Variants in FREM3 observed in about 807,000 individuals in gnomAD.
FREM3 encodes the protein FRAS1-related extracellular matrix protein 3.
FREM3 carries 105 observed loss-of-function variants against 129.1 expected under a neutral mutation model. The ratio of observed to expected loss-of-function variants is 0.81; its 90% confidence interval spans 0.69 to 0.96. The LOEUF is 0.96. Among genes scored for constraint, FREM3 ranks in the 40% least tolerant of loss-of-function variants. The pLI is 0.00. For missense variants in FREM3, 2,593 were observed against 2,666.3 expected, an observed-to-expected ratio of 0.97 and a Z score of 0.61; for synonymous variants, 1,014 against 1,044.9, an observed-to-expected ratio of 0.97 and a Z score of 0.57.
chr4:143,603,336 C>A (rs1036181151), intron 6 of FREM3, among the ~76,000 whole-genome samples: 1 of 152,110 alleles, frequency 6.6e-6, no homozygotes, highest in African/African-American at 2.4e-5. Context: ...GTGTAATGTA[C>A]ATAATCTTAT....
In FREM3 at chr4:143,693,191, C is replaced by T; in HGVS notation, c.5197G>A (p.Glu1733Lys). Reference sequence around the variant, plus strand: ...TTCAAGACATAGGATATCTTCATCTCATCAATGTCAGCTAAAAAAAAAGCA... The same window carrying T: ...TTCAAGACATAGGATATCTTCATCTTATCAATGTCAGCTAAAAAAAAAGCA... ...TRVFTQADIDEMKISYVLNEG... is the reference protein window; with the variant it reads ...TRVFTQADIDKMKISYVLNEG... Residue 1733 changes from glutamate (E) to lysine (K), a missense_variant, in exon 2 of 8, where the codon GAG (glutamate) becomes AAG (lysine). By Grantham distance (56) the Glu-to-Lys change is moderately conservative. Transcript: ENST00000329798. 6.7e-7 allele frequency: 1 copy of T among 1,491,004 alleles called. No individual in the cohort carries two copies. Among genetic ancestry groups the T allele is most frequent in the East Asian group, 2.5e-5 (1 of 39,998 alleles). The allele number at this position is 1,491,004 out of a possible 1,614,324, so 92.4% of individuals were successfully genotyped here. A position where few individuals can be genotyped will look rare whatever the true frequency, so the allele number is the denominator to read the frequency against.
rs1361182090 is a variant in FREM3 at position 143,700,371 on chromosome 4, G to A, written c.305C>T (p.Ala102Val). Residue 102 changes from alanine to valine, a missense_variant, in exon 1 of 8, where the codon GCC becomes GTC. By Grantham distance (64) the Ala-to-Val change is moderately conservative. Transcript: ENST00000329798. ...GDRCEVTVLD[A>V]LPRLKGALSP... ...GAGCGCGCCCTTGAGCCGCGGCAGGGCGTCCAGTACCGTGACTTCGCACCG... is the reference window on the plus strand; with the variant it reads ...GAGCGCGCCCTTGAGCCGCGGCAGGACGTCCAGTACCGTGACTTCGCACCG... 2 of 1,534,934 alleles carry A rather than the reference G, an allele frequency of 1.3e-6. No homozygotes were observed. The highest frequency in any genetic ancestry group is 1.7e-6 in the Non-Finnish European group (2 of 1,146,136).
chr4:143,591,793 T>A (rs1486930694), intron 6 of FREM3, among the ~76,000 whole-genome samples: 1 of 152,112 alleles, frequency 6.6e-6, no homozygotes, highest in Non-Finnish European at 1.5e-5. Flanking sequence ...CCTGGATATC[T>A]TTGTTAACTT....
At chr4:143,590,932 T>C (rs1233614975) in intron 6 of FREM3, among the ~76,000 whole-genome samples, 2 of 152,230 alleles carry the variant, frequency 1.3e-5, no homozygotes, top group African/African-American at 4.8e-5. Context: ...TATTGGTCTA[T>C]TCAGAGATTC....
chr4:143,611,623 C>G lies in FREM3; in HGVS notation c.5780-96G>C, dbSNP rs547460014. On this transcript the variant is annotated intron_variant, in intron 5 of 7. Coordinates refer to ENST00000329798, the MANE Select transcript of FREM3 (RefSeq NM_001168235.2). ...TCTTTAATGTATTTTTAGATAATAG[C>G]TATCTGAATGATACAACACACTTAC... The G allele has an allele frequency of 2.3e-5, 25 of 1,097,854 alleles. No homozygotes were observed. The African/African-American group carries it at 3.7e-4, about 16-fold the overall frequency. The allele number at this position is 1,097,854 out of a possible 1,614,324, so 68.0% of individuals were successfully genotyped here.
rs932565050 is a variant in FREM3, at chr4:143,617,440, T to C, written c.5779+3597A>G. Among the ~76,000 whole-genome samples, 13 of 152,194 alleles carry C rather than the reference T, an allele frequency of 8.5e-5. No homozygotes were observed. In the East Asian group the frequency reaches 2.5e-3, roughly 29 times the overall value. The stretch of plus-strand genomic sequence containing the variant: ...CCAAGGTTGAGAAGAGGAACAAGAA[T>C]AAATTCTCCTCTGCCCTGGAAGACA... On this transcript the variant is annotated intron_variant, in intron 5 of 7. Coordinates refer to ENST00000329798, the MANE Select transcript of FREM3 (RefSeq NM_001168235.2).
Position 143,577,519 on chromosome 4 carries a change from A to G in FREM3, c.*92T>C. The G allele has an allele frequency of 1.7e-6, 2 of 1,208,400 alleles. No individual in the cohort carries two copies. Among genetic ancestry groups the G allele is most frequent in the East Asian group, 5.1e-5 (2 of 39,144 alleles). 74.9% of individuals were successfully genotyped at this position (1,208,400 alleles called of 1,614,324 possible). A position where few individuals can be genotyped will look rare whatever the true frequency, so the allele number is the denominator to read the frequency against. Reference sequence around the variant, plus strand: ...CACCAATGACAGTACAATATCACTGATATCCCAGAATTGCTAAGATCTATA... The same window carrying G: ...CACCAATGACAGTACAATATCACTGGTATCCCAGAATTGCTAAGATCTATA... On this transcript the variant is annotated 3_prime_UTR_variant, in exon 8 of 8. Coordinates refer to ENST00000329798, the MANE Select transcript of FREM3 (RefSeq NM_001168235.2).
chr4:143,623,922 A>G (rs569492267), intron 4 of FREM3, among the ~76,000 whole-genome samples, 186 bp downstream of exon 4: 2 of 152,330 alleles, frequency 1.3e-5, no homozygotes, highest in African/African-American at 4.8e-5. Context: ...ATCGTCCTGT[A>G]TTGTCTTTCA....
rs967331105 is a variant in FREM3, at chr4:143,696,300, T to C, written c.4376A>G (p.Glu1459Gly). The C allele has an allele frequency of 4.6e-6, 7 of 1,537,416 alleles. No homozygotes were observed. Among genetic ancestry groups the C allele is most frequent in the Non-Finnish European group, 5.2e-6 (6 of 1,146,978 alleles). Reference protein sequence around the residue: ...LTNSDINSSDEHHFSITRAPS... With the variant: ...LTNSDINSSDGHHFSITRAPS... ...AGCCCGTGTAATGCTAAAGTGATGT[T>C]CATCAGAGCTGTTGATGTCACTGTT... Residue 1459 changes from glutamate to glycine, a missense_variant, in exon 1 of 8, where the codon GAA (glutamate) becomes GGA (glycine). Glu to Gly is a moderately conservative substitution (Grantham distance 98). Transcript: ENST00000329798.
At chr4:143,647,560 G>C (rs1287029813) in intron 2 of FREM3, among the ~76,000 whole-genome samples, 1 of 152,174 alleles carries the variant, frequency 6.6e-6, no homozygotes, top group Non-Finnish European at 1.5e-5. Flanking sequence ...TTGGTGCCCT[G>C]TGTCCCAGCT....
intron 2 of FREM3, among the ~76,000 whole-genome samples, chr4:143,676,150 C>T (rs1252531141): frequency 2.0e-5 from 3 of 152,156 alleles, no homozygotes; most frequent in Non-Finnish European, 4.4e-5. Context: ...CAATAAAATA[C>T]TGGCAAACTG....
At chr4:143,602,926 G>C (rs887615394) in intron 6 of FREM3, among the ~76,000 whole-genome samples, 2 of 152,150 alleles carry the variant, frequency 1.3e-5, no homozygotes, top group African/African-American at 4.8e-5. Context: ...CTTCAGGACC[G>C]TCAGCAGTTA....
Position 143,600,961 on chromosome 4 carries a change from GT to G in FREM3, c.6028+10317del, listed in dbSNP as rs1738561482. Among the ~76,000 whole-genome samples, 4 of 130,220 alleles carry G rather than the reference GT, an allele frequency of 3.1e-5. No homozygotes were observed. The Admixed American group carries it at 3.2e-4, about 10-fold the overall frequency. The allele number at this position is 130,220 out of a possible 152,430, so 85.4% of individuals were successfully genotyped here. A position where few individuals can be genotyped will look rare whatever the true frequency, so the allele number is the denominator to read the frequency against. ...CTCTTTTCTCCTTTCTGTTTCTAAA[GT>G]CTTTTTTTTTTTTTTTGAGATGTTG... On this transcript the variant is annotated intron_variant, in intron 6 of 7. Transcript: ENST00000329798.
chr4:143,692,562 A>G (rs1740492027), intron 2 of FREM3, among the ~76,000 whole-genome samples: 1 of 152,298 alleles, frequency 6.6e-6, no homozygotes, highest in Admixed American at 6.5e-5. Context: ...GATGCTGCCC[A>G]TTATTCTACT....
intron 6 of FREM3, among the ~76,000 whole-genome samples, chr4:143,596,141 G>A (rs1738479639): frequency 6.6e-6 from 1 of 152,172 alleles, no homozygotes. Flanking sequence ...TGAATTTAGA[G>A]AGGAACATAA....
At position 143,577,460 on chromosome 4, in the gene FREM3, A is replaced by T. The variant is rs757743818; in HGVS notation, c.*151T>A. 1.3e-5 allele frequency: 9 copies of T among 695,880 alleles called. No individual in the cohort carries two copies. Among genetic ancestry groups the T allele is most frequent in the Non-Finnish European group, 2.1e-5 (9 of 428,190 alleles). 43.1% of individuals were successfully genotyped at this position (695,880 alleles called of 1,614,324 possible). A position where few individuals can be genotyped will look rare whatever the true frequency, so the allele number is the denominator to read the frequency against. Reference sequence around the variant, plus strand: ...TATATTTCTATCTCCATGCAGTCATATAAATTACATTTCCACATATCACCA... The same window carrying T: ...TATATTTCTATCTCCATGCAGTCATTTAAATTACATTTCCACATATCACCA... On this transcript the variant is annotated 3_prime_UTR_variant, in exon 8 of 8. Coordinates refer to ENST00000329798, the MANE Select transcript of FREM3 (RefSeq NM_001168235.2).
intron 2 of FREM3, among the ~76,000 whole-genome samples, chr4:143,662,471 G>A (rs1401372294): frequency 1.3e-5 from 2 of 151,710 alleles, no homozygotes; most frequent in South Asian, 2.1e-4. Context: ...TATAATTTCT[G>A]TTCTTTTACA....
intron 2 of FREM3, among the ~76,000 whole-genome samples, chr4:143,666,384 G>T (rs1739860458): frequency 6.6e-6 from 1 of 152,062 alleles, no homozygotes; most frequent in African/African-American, 2.4e-5. Flanking sequence ...CTACACTTAG[G>T]TATATATCCA....
chr4:143,683,817 G>A (rs1016476723), intron 2 of FREM3, among the ~76,000 whole-genome samples: 3 of 152,256 alleles, frequency 2.0e-5, no homozygotes, highest in East Asian at 3.9e-4. Context: ...GGGCTGTTGT[G>A]GGGGGCATGG....
Sources: allele counts gnomAD v4.1 joint callset (sites outside exome capture counted in the v4.1 genomes callset), GRCh38; gene constraint gnomAD v4.1.1; transcripts MANE v1.5; gene names NCBI Gene and HGNC (gene_info 2026-07-23, HGNC 2026-07-21).